The following PEX7 variants were observed in gnomAD, a reference collection of about 807,000 sequenced individuals.
PEX7 encodes peroxisomal biogenesis factor 7.
Under a neutral mutation model 47.5 loss-of-function variants are expected in PEX7, and 34 were observed. The ratio of observed to expected loss-of-function variants is 0.72; its 90% CI spans 0.54 to 0.95. The LOEUF (loss-of-function observed/expected upper bound fraction) is 0.95, where lower values mean the gene tolerates loss of function less well. PEX7 is among the 40% of genes least tolerant of loss of function. PEX7 has a pLI of 0.00. For synonymous variants in PEX7, 141 were observed against 148.8 expected (o/e 0.95, Z 0.38); for missense variants, 394 against 400.3 (o/e 0.98, Z 0.13).
At chr6:136,839,422 A>G (rs921190411) in intron 3 of PEX7, among the ~76,000 whole-genome samples, 1 of 152,196 alleles carries the variant, frequency 6.6e-6, no homozygotes, top group Non-Finnish European at 1.5e-5. Context: ...CAGTAATAAA[A>G]TTTGTCCTCT....
intron 8 of PEX7, among the ~76,000 whole-genome samples, chr6:136,872,732 G>A (rs1775204367): frequency 6.6e-6 from 1 of 152,068 alleles, no homozygotes; most frequent in Non-Finnish European, 1.5e-5. Context: ...GAGTGTGTGT[G>A]GGTGTGGGTC....
At chr6:136,863,261 A>G (rs1002529690) in intron 5 of PEX7, among the ~76,000 whole-genome samples, 10 of 152,166 alleles carry the variant, frequency 6.6e-5, no homozygotes, top group African/African-American at 2.4e-4. Context: ...GAAAAATCCC[A>G]AGTACCCCCA....
chr6:136,850,016 G>C (rs900528609), intron 5 of PEX7, among the ~76,000 whole-genome samples: 27 of 152,142 alleles, frequency 1.8e-4, no homozygotes, highest in African/African-American at 6.5e-4. Flanking sequence ...CTAAGGACTT[G>C]CTTTATGAAT....
intron 8 of PEX7, 139 bp downstream of exon 8, chr6:136,872,392 T>C: frequency 2.9e-6 from 2 of 701,078 alleles, no homozygotes; most frequent in Non-Finnish European, 4.8e-6. Context: ...TTTACTAGGA[T>C]TAATATTATA....
intron 8 of PEX7, among the ~76,000 whole-genome samples, chr6:136,897,915 A>G (rs563723269): frequency 3.3e-5 from 5 of 152,070 alleles, no homozygotes; most frequent in African/African-American, 1.2e-4. Flanking sequence ...ATAATCTTTT[A>G]TAGGGTAGAT....
Position 136,825,385 on chromosome 6 carries a change from G to A in PEX7, c.188+114G>A, listed in dbSNP as rs776773858. ...TATACAGTATAAAAGGAACCTTGGC[G>A]TTTGCATAGGATGAAGCTTATTTTT... On this transcript the variant is annotated intron_variant, in intron 2 of 9. Transcript: ENST00000318471. 3.7e-5 allele frequency: 32 copies of A among 856,414 alleles called. 1 individual carries two copies. Among genetic ancestry groups the A allele is most frequent in the African/African-American group, 2.4e-4 (14 of 58,764 alleles). The allele number at this position is 856,414 out of a possible 1,614,324, so 53.1% of individuals were successfully genotyped here.
In PEX7 at chr6:136,913,610, A is replaced by G; in HGVS notation, c.*84A>G. ...TAAATTAACTATGGAAAACATAGAC[A>G]TTATGCTTTTATATGCTATTCAGAT... On this transcript the variant is annotated 3_prime_UTR_variant, in exon 10 of 10. Transcript: ENST00000318471. 2.1e-6 allele frequency: 2 copies of G among 931,398 alleles called. No individual in the cohort carries two copies. The highest frequency in any genetic ancestry group is 1.6e-5 in the African/African-American group (1 of 61,876). The allele number at this position is 931,398 out of a possible 1,614,324, so 57.7% of individuals were successfully genotyped here.
intron 6 of PEX7, among the ~76,000 whole-genome samples, chr6:136,868,160 G>A (rs1775108864): frequency 6.6e-6 from 1 of 152,206 alleles, no homozygotes; most frequent in African/African-American, 2.4e-5. Context: ...GTTTCATCTA[G>A]CCTGGGTGTG....
intron 1 of PEX7, chr6:136,823,419 C>A: frequency 1.1e-6 from 1 of 918,062 alleles, no homozygotes; most frequent in Non-Finnish European, 1.3e-6. Context: ...TCCCGTCGCG[C>A]GCATTGGCTC....
At chr6:136,901,004 A>G (rs2115278570) in intron 9 of PEX7, 1 of 205,286 alleles carries the variant, frequency 4.9e-6, no homozygotes, top group Admixed American at 4.6e-5. Context: ...GGGCCATTTC[A>G]CAAAGTGGGT....
At position 136,845,662 on chromosome 6, in the gene PEX7, G is replaced by T. The variant is rs772635570; in HGVS notation, c.387G>T (p.Val129=). Residue 129 remains valine, a synonymous_variant, in exon 4 of 10, where the codon GTG becomes GTT. Coordinates refer to ENST00000318471, the MANE Select transcript of PEX7 (RefSeq NM_000288.4). ...AAACCAGAGGTGAACAGCTTGTGGT[G>T]TCTGGCTCATGGGATCAAACTGTCA... is the stretch of plus-strand genomic sequence containing the variant. ...WSQTRGEQLV[V]SGSWDQTVKL... 8 of 1,610,210 alleles carry T rather than the reference G, an allele frequency of 5.0e-6. No individual in the cohort carries two copies. Among genetic ancestry groups the T allele is most frequent in the African/African-American group, 1.3e-5 (1 of 74,854 alleles).
At chr6:136,886,298 G>A (rs543496753) in intron 8 of PEX7, among the ~76,000 whole-genome samples, 3 of 152,188 alleles carry the variant, frequency 2.0e-5, no homozygotes, top group Non-Finnish European at 4.4e-5. Context: ...CATCTATTAT[G>A]TAGTGGGGTG....
chr6:136,843,784 G>A (rs1025797426), intron 3 of PEX7, among the ~76,000 whole-genome samples: 14 of 152,062 alleles, frequency 9.2e-5, no homozygotes, highest in Admixed American at 8.5e-4. Context: ...GCTGCTGTCT[G>A]TTGCTGGATT....
At chr6:136,880,756 T>G (rs544000928) in intron 8 of PEX7, among the ~76,000 whole-genome samples, 2 of 152,366 alleles carry the variant, frequency 1.3e-5, no homozygotes, top group South Asian at 4.1e-4. Flanking sequence ...CCAGTCTATA[T>G]AGCTTTGTTT....
At chr6:136,867,709 A>G (rs1185942438) in intron 6 of PEX7, among the ~76,000 whole-genome samples, 1 of 151,950 alleles carries the variant, frequency 6.6e-6, no homozygotes, top group African/African-American at 2.4e-5. Context: ...ACTGGGAGGC[A>G]GAGGCTGCAG....
At chr6:136,903,336 CTTTTTTT>C (rs552573661) in intron 9 of PEX7, among the ~76,000 whole-genome samples, 15 of 126,318 alleles carry the variant, frequency 1.2e-4, no homozygotes, top group East Asian at 2.3e-4. Context: ...CTTTCTTTCT[CTTTTTTT>C]TTTTTTTTTT....
chr6:136,886,305 G>A (rs574549845), intron 8 of PEX7, among the ~76,000 whole-genome samples: 1 of 152,236 alleles, frequency 6.6e-6, no homozygotes, highest in African/African-American at 2.4e-5. Context: ...TATGTAGTGG[G>A]GTGAGCATGT....
At chr6:136,875,560 G>A (rs1219459412) in intron 8 of PEX7, among the ~76,000 whole-genome samples, 10 of 152,204 alleles carry the variant, frequency 6.6e-5, no homozygotes, top group African/African-American at 2.4e-4. Context: ...TTTGGGGGAA[G>A]TGGAACCTAA....
intron 3 of PEX7, among the ~76,000 whole-genome samples, chr6:136,828,780 CT>C (rs1308540185): frequency 6.6e-6 from 1 of 152,244 alleles, no homozygotes; most frequent in East Asian, 1.9e-4. Flanking sequence ...ATAATATTAC[CT>C]AAAGTGGCTA....
Sources: allele counts gnomAD v4.1 joint callset (sites outside exome capture counted in the v4.1 genomes callset), GRCh38; gene constraint gnomAD v4.1.1; transcripts MANE v1.5; gene names NCBI Gene and HGNC (gene_info 2026-07-23, HGNC 2026-07-21).